AUTS2: variants seen among roughly 807,000 people sequenced by gnomAD.
AUTS2 encodes the protein autism susceptibility gene 2 protein.
Under a neutral mutation model 112.4 loss-of-function variants are expected in AUTS2, and 17 were observed. The observed-to-expected ratio is 0.15, with a 90% CI of 0.10 to 0.23. The LOEUF is 0.23. Ranked by LOEUF, AUTS2 falls within the 10% of genes least tolerant of loss-of-function variation. AUTS2 has a pLI of 1.00. For synonymous variants in AUTS2, 751 were observed against 702.7 expected, an observed-to-expected ratio of 1.07 and a Z score of -1.09; for missense variants, 1,510 against 1,701.6, an observed-to-expected ratio of 0.89 and a Z score of 1.98.
At chr7:70,637,386 G>T (rs1407536518) in intron 5 of AUTS2, among the ~76,000 whole-genome samples, 1 of 152,198 alleles carries the variant, frequency 6.6e-6, no homozygotes, top group Non-Finnish European at 1.5e-5. Flanking sequence ...TTCCATCTCA[G>T]AACAGATGCT....
intron 6 of AUTS2, among the ~76,000 whole-genome samples, chr7:70,705,153 G>A (rs117409884): frequency 0.014 from 2,076 of 152,198 alleles, 20 homozygotes; most frequent in Non-Finnish European, 0.022. Context: ...ATTGTTTTGC[G>A]GCTTATATAA....
At chr7:70,553,323 T>A (rs572575443) in intron 5 of AUTS2, among the ~76,000 whole-genome samples, 36 of 152,290 alleles carry the variant, frequency 2.4e-4, no homozygotes, top group African/African-American at 8.7e-4. Flanking sequence ...TGTGCCACAG[T>A]TTTTTAGAAA....
intron 6 of AUTS2, among the ~76,000 whole-genome samples, chr7:70,724,112 A>G (rs998014864): frequency 2.0e-5 from 3 of 152,154 alleles, no homozygotes; most frequent in African/African-American, 7.2e-5. Flanking sequence ...GGCTGGTCTC[A>G]AACTCCTAGC....
chr7:69,871,450 G>A (rs1166986301), intron 1 of AUTS2, among the ~76,000 whole-genome samples: 1 of 152,156 alleles, frequency 6.6e-6, no homozygotes, highest in African/African-American at 2.4e-5. Context: ...ACTGGCCCCT[G>A]TATATACTAT....
At position 70,258,367 on chromosome 7, in the gene AUTS2, C is replaced by T. The variant is rs77674055; in HGVS notation, c.660+123796C>T. Among the ~76,000 whole-genome samples, 1,460 of 152,292 alleles carry T rather than the reference C, an allele frequency of 9.6e-3. 22 individuals carry two copies. The highest frequency in any genetic ancestry group is 0.026 in the African/African-American group (1,082 of 41,554). On this transcript the variant is annotated intron_variant, in intron 4 of 18. Coordinates refer to ENST00000342771, the MANE Select transcript of AUTS2 (RefSeq NM_015570.4). ...ATGTCATCAAAGAGCTTCATTTTCA[C>T]GCAATTTTCATAATTCAGTCTGTTT... is the stretch of plus-strand genomic sequence containing the variant.
At chr7:70,004,136 AATATATATGAATGTG>A in intron 2 of AUTS2, among the ~76,000 whole-genome samples, 5 of 110,638 alleles carry the variant, frequency 4.5e-5, no homozygotes, top group South Asian at 5.6e-4. Context: ...GAATATATAT[AATATATATGAATGTG>A]TTATATGTGA....
chr7:69,794,730 T>G (rs542088217), intron 1 of AUTS2, among the ~76,000 whole-genome samples: 1 of 152,188 alleles, frequency 6.6e-6, no homozygotes, highest in South Asian at 2.1e-4. Context: ...CTTTATGCTT[T>G]GGGTAGGTGC....
At chr7:69,918,832 T>C (rs890648730) in intron 2 of AUTS2, among the ~76,000 whole-genome samples, 1 of 152,248 alleles carries the variant, frequency 6.6e-6, no homozygotes, top group Non-Finnish European at 1.5e-5. Flanking sequence ...TACTAGGATC[T>C]TTTACTTGTT....
intron 4 of AUTS2, among the ~76,000 whole-genome samples, chr7:70,260,414 T>C (rs1339145657): frequency 1.3e-5 from 2 of 151,728 alleles, no homozygotes; most frequent in East Asian, 1.9e-4. Context: ...GGGAATTTAT[T>C]TCTGCAGTTA....
chr7:69,903,115 G>A (rs1795030853), intron 2 of AUTS2, among the ~76,000 whole-genome samples: 1 of 152,084 alleles, frequency 6.6e-6, no homozygotes, highest in African/African-American at 2.4e-5. Flanking sequence ...CAAGGACATG[G>A]TACTTTTTTT....
At chr7:70,626,462 G>T (rs1804954781) in intron 5 of AUTS2, among the ~76,000 whole-genome samples, 1 of 151,038 alleles carries the variant, frequency 6.6e-6, no homozygotes, top group East Asian at 2.0e-4. Flanking sequence ...ATAATCTCTA[G>T]GGCTAGGTAC....
At chr7:69,757,444 T>C (rs1787987048) in intron 1 of AUTS2, among the ~76,000 whole-genome samples, 1 of 152,202 alleles carries the variant, frequency 6.6e-6, no homozygotes, top group African/African-American at 2.4e-5. Context: ...TTTAACCTGA[T>C]ATGTAAGATT....
intron 2 of AUTS2, among the ~76,000 whole-genome samples, chr7:70,042,239 C>T (rs892698436): frequency 2.2e-5 from 3 of 136,458 alleles, no homozygotes; most frequent in Non-Finnish European, 3.0e-5. Flanking sequence ...ACTTGAACAG[C>T]ATTATTTCTT....
chr7:70,788,389 C>T (rs1468684479), intron 18 of AUTS2, among the ~76,000 whole-genome samples: 1 of 152,168 alleles, frequency 6.6e-6, no homozygotes, highest in East Asian at 1.9e-4. Flanking sequence ...TCATCAGAGG[C>T]CATCATGCTG....
intron 2 of AUTS2, among the ~76,000 whole-genome samples, chr7:70,104,255 C>CT (rs1192790268): frequency 2.0e-3 from 251 of 126,656 alleles, no homozygotes; most frequent in Admixed American, 4.2e-3. Flanking sequence ...GTTGTTTTTT[C>CT]TTTTTTTTTT....
chr7:70,628,408 A>G (rs897904347), intron 5 of AUTS2, among the ~76,000 whole-genome samples: 1 of 150,324 alleles, frequency 6.7e-6, no homozygotes, highest in Non-Finnish European at 1.5e-5. Context: ...TTCAGGCTCT[A>G]CAAAAACCTG....
chr7:70,605,872 G>T (rs1348291765), intron 5 of AUTS2, among the ~76,000 whole-genome samples: 1 of 152,164 alleles, frequency 6.6e-6, no homozygotes, highest in African/African-American at 2.4e-5. Context: ...TTGAAAGAAG[G>T]CTCATTGGCA....
At chr7:69,699,325 T>A (rs1797698975) in intron 1 of AUTS2, among the ~76,000 whole-genome samples, 2 of 152,200 alleles carry the variant, frequency 1.3e-5, no homozygotes, top group South Asian at 4.2e-4. Flanking sequence ...TTATAACTAC[T>A]TTATTAGTCT....
intron 3 of AUTS2, chr7:70,119,812 TAAG>T (rs1256339475): frequency 6.6e-6 from 1 of 152,140 alleles, no homozygotes; most frequent in African/African-American, 2.4e-5. Flanking sequence ...GGATATGTAA[TAAG>T]AAGCAAAATC....
Sources: allele counts gnomAD v4.1 joint callset (sites outside exome capture counted in the v4.1 genomes callset), GRCh38; gene constraint gnomAD v4.1.1; transcripts MANE v1.5; gene names NCBI Gene and HGNC (gene_info 2026-07-23, HGNC 2026-07-21).